OC90: variants seen among roughly 807,000 people sequenced by gnomAD.
OC90 encodes the protein otoconin 90.
A neutral mutation model predicts 47.3 loss-of-function variants in OC90; 46 were observed. The observed-to-expected ratio is 0.97, with a 90% CI of 0.77 to 1.24. The LOEUF is 1.24. OC90 is among the 50% of genes most tolerant of loss of function. The pLI is 0.00. For missense variants in OC90, 688 were observed against 583.9 expected (o/e 1.18, Z -1.84); for synonymous variants, 271 against 219.5 (o/e 1.23, Z -2.07).
chr8:132,059,294 T>TCCCC (rs1823316355), intron 1 of OC90, 47 bp downstream of exon 1: 1 of 132,676 alleles, frequency 7.5e-6, no homozygotes, highest in Non-Finnish European at 1.6e-5. Context: ...CCTCCCTCCC[T>TCCCC]CCCCTGCTCT....
intron 6 of OC90, 92 bp from the exon 7 acceptor site, chr8:132,039,215 C>A: frequency 7.1e-7 from 1 of 1,401,072 alleles, no homozygotes; most frequent in Non-Finnish European, 9.8e-7. Context: ...CTCATCTCCC[C>A]TGCCAAAAAT....
chr8:132,055,353 A>T (rs1333619166), intron 1 of OC90, among the ~76,000 whole-genome samples: 1 of 152,146 alleles, frequency 6.6e-6, no homozygotes, highest in Non-Finnish European at 1.5e-5. Context: ...GATTGATTCC[A>T]TGGTCATTTC....
At chr8:132,033,246 C>T (rs1264576886) in intron 10 of OC90, 82 bp from the exon 11 acceptor site, 1 of 1,374,976 alleles carries the variant, frequency 7.3e-7, no homozygotes, top group Non-Finnish European at 1.0e-6. Flanking sequence ...AAGCCAAATG[C>T]AAACAGATAG....
chr8:132,027,158 C>A (rs1822771854), intron 13 of OC90, among the ~76,000 whole-genome samples: 2 of 152,204 alleles, frequency 1.3e-5, no homozygotes, highest in Non-Finnish European at 2.9e-5. Flanking sequence ...CCCAGGGCCC[C>A]TGTGCTAACT....
intron 13 of OC90, among the ~76,000 whole-genome samples, chr8:132,028,335 C>T (rs1470143648): frequency 1.3e-5 from 2 of 151,810 alleles, no homozygotes; most frequent in Non-Finnish European, 2.9e-5. Flanking sequence ...AACCCCGTCT[C>T]TACTAAAAAT....
In OC90 at chr8:132,029,116, C is replaced by CCT. The variant is rs1822834062; in HGVS notation, c.1093_1094dup (p.Leu366GlyfsTer37). 1 of 1,613,834 alleles carries CCT rather than the reference C, an allele frequency of 6.2e-7. No individual in the cohort carries two copies. The highest frequency in any genetic ancestry group is 1.1e-5 in the South Asian group (1 of 91,084). On this transcript the variant is annotated frameshift_variant, in exon 13 of 14. Coordinates refer to ENST00000254627, the MANE Select transcript of OC90 (RefSeq NM_001080399.3). LOFTEE classifies it low-confidence loss of function (END_TRUNC). ...CACACACCACCGGTGACCAAGGAAG[C>CCT]CTCTCAAGCAGGCAGCCCAGCCTTC...
At chr8:132,027,050 G>A (rs1230830603) in intron 13 of OC90, among the ~76,000 whole-genome samples, 1 of 151,998 alleles carries the variant, frequency 6.6e-6, no homozygotes, top group Non-Finnish European at 1.5e-5. Flanking sequence ...TGGCCATCTG[G>A]GAATGTGGTA....
At chr8:132,049,563 C>G (rs536504604) in intron 2 of OC90, among the ~76,000 whole-genome samples, 1 of 152,212 alleles carries the variant, frequency 6.6e-6, no homozygotes, top group East Asian at 1.9e-4. Context: ...ATATCTCCCA[C>G]CCTTTCATTC....
At chr8:132,029,697 T>C (rs1002977674) in intron 12 of OC90, among the ~76,000 whole-genome samples, 2 of 152,124 alleles carry the variant, frequency 1.3e-5, no homozygotes, top group African/African-American at 4.8e-5. Flanking sequence ...AAGAACTGCA[T>C]CTAGAAAAGT....
At chr8:132,028,686 G>GAC (rs1554613375) in intron 13 of OC90, among the ~76,000 whole-genome samples, 1 of 126,996 alleles carries the variant, frequency 7.9e-6, no homozygotes, top group African/African-American at 3.3e-5. Flanking sequence ...AAGAAAGAAA[G>GAC]AGAAAGAAAG....
At chr8:132,027,442 T>A (rs778545913) in intron 13 of OC90, among the ~76,000 whole-genome samples, 1 of 152,128 alleles carries the variant, frequency 6.6e-6, no homozygotes, top group Non-Finnish European at 1.5e-5. Context: ...GCTGAGGTTG[T>A]GTAGAGGAAG....
intron 11 of OC90, 28 bp downstream of exon 11, chr8:132,033,011 G>C: frequency 6.2e-7 from 1 of 1,601,482 alleles, no homozygotes; most frequent in Non-Finnish European, 8.5e-7. Context: ...TCCCAGCAGC[G>C]GAGAGGACAG....
At chr8:132,042,210 A>T (rs1212972071) in intron 4 of OC90, among the ~76,000 whole-genome samples, 6 of 152,190 alleles carry the variant, frequency 3.9e-5, no homozygotes. Context: ...CATTATAATC[A>T]GGAGGCCCCA....
Position 132,038,790 on chromosome 8 carries a change from C to T in OC90, c.628G>A (p.Val210Met), listed in dbSNP as rs1369799351. 1.9e-6 allele frequency: 3 copies of T among 1,613,652 alleles called. No homozygotes were observed. The highest frequency in any genetic ancestry group is 1.7e-5 in the Admixed American group (1 of 60,014). ...AGCCACCAACCCTGGGAGGCCTTAC[C>T]TCTGGGCAGAAGTGTTGTCAAGTCT... Reference protein sequence around the residue: ...KEDLTTLLPRVVPVEPTDTSL... With the variant: ...KEDLTTLLPRMVPVEPTDTSL... Residue 210 changes from valine to methionine, a missense_variant and splice_region_variant, in exon 8 of 14, where the codon GTG (valine) becomes ATG (methionine). By Grantham distance (21) the Val-to-Met change is conservative. Transcript: ENST00000254627.
In OC90 at chr8:132,056,692, G is replaced by T. The variant is rs376543185; in HGVS notation, c.-47-1619C>A. 2.6e-5 allele frequency among the ~76,000 whole-genome samples: 4 copies of T among 152,282 alleles called. No homozygotes were observed. In the East Asian group the frequency reaches 7.7e-4, roughly 29 times the overall value. On this transcript the variant is annotated intron_variant, in intron 1 of 13. Transcript: ENST00000254627. ...ATGAAACAAGGCTGAAAATTAAGGG[G>T]GAGACAAGAGAGGTCTCCAAATGGA...
chr8:132,039,174 A>G (rs1823015756), intron 6 of OC90, 51 bp from the exon 7 acceptor site: 1 of 1,553,012 alleles, frequency 6.4e-7, no homozygotes, highest in Admixed American at 2.0e-5. Context: ...CTGGAATCCC[A>G]AGAGGTAATG....
intron 6 of OC90, 131 bp downstream of exon 6, chr8:132,040,913 G>A: frequency 1.5e-6 from 1 of 662,566 alleles, no homozygotes. Flanking sequence ...GGGGCTCTAA[G>A]TGCTGCCAAC....
intron 13 of OC90, 25 bp from the exon 14 acceptor site, chr8:132,024,801 A>C (rs1396409139): frequency 6.3e-7 from 1 of 1,590,584 alleles, no homozygotes; most frequent in South Asian, 1.2e-5. Flanking sequence ...GCAGAGTAGA[A>C]GCCATGAGAC....
chr8:132,057,603 A>T (rs1409915753), intron 1 of OC90, among the ~76,000 whole-genome samples: 1 of 152,204 alleles, frequency 6.6e-6, no homozygotes, highest in Non-Finnish European at 1.5e-5. Flanking sequence ...AATGCACTTA[A>T]TGCTCCTCAG....
Sources: gnomAD v4.1 joint callset for allele counts (sites outside exome capture counted in the v4.1 genomes callset) on GRCh38, gnomAD v4.1.1 for gene constraint, MANE v1.5 for transcripts, NCBI Gene and HGNC (gene_info 2026-07-23, HGNC 2026-07-21) for gene names.